Variants in TBC1D1 observed in about 807,000 individuals in gnomAD.
TBC1D1 encodes TBC1 domain family member 1.
In TBC1D1, 89 loss-of-function variants were observed where a neutral mutation model predicts 125.6. The ratio of observed to expected loss-of-function variants is 0.71; its 90% CI spans 0.60 to 0.85. The LOEUF is 0.85. TBC1D1 is among the 40% of genes least tolerant of loss of function. The pLI, the probability that TBC1D1 is intolerant of heterozygous loss-of-function variation, is 0.00. For missense variants in TBC1D1, 1,377 were observed against 1,469.2 expected (o/e 0.94, Z 1.03); for synonymous variants, 565 against 564.1 (o/e 1.00, Z -0.02).
chr4:38,086,588 C>T (rs1411264543), intron 12 of TBC1D1, among the ~76,000 whole-genome samples: 6 of 152,176 alleles, frequency 3.9e-5, no homozygotes, highest in East Asian at 1.9e-4. Context: ...CTGGATCCCC[C>T]GACCAAATTT....
intron 2 of TBC1D1, among the ~76,000 whole-genome samples, chr4:37,974,416 T>G (rs1401046656): frequency 6.6e-6 from 1 of 152,054 alleles, no homozygotes; most frequent in Non-Finnish European, 1.5e-5. Flanking sequence ...TATTTTTCCT[T>G]TATGTAGACA....
In TBC1D1 at chr4:38,014,718, C is replaced by G. The variant is rs765551596; in HGVS notation, c.627C>G (p.Ser209=). ...ATCACGTCAGCGGCAGCCGGGGGTC[C>G]GAGAGCCCCCGCCCCAACCCGCCCC... The change falls in exon 3 of 20, where the codon TCC becomes TCG. Residue 209 remains serine (S), a synonymous_variant. Transcript: ENST00000261439. This position sits in a 1 kb window ranked among gnomAD's most constrained non-coding sequence, Gnocchi z 5.1. The G allele has an allele frequency of 2.1e-5, 34 of 1,612,150 alleles. No individual in the cohort carries two copies. The highest frequency in any genetic ancestry group is 4.5e-5 in the East Asian group (2 of 44,888).
At chr4:38,115,027 G>A (rs941585463) in intron 15 of TBC1D1, among the ~76,000 whole-genome samples, 1 of 152,024 alleles carries the variant, frequency 6.6e-6, no homozygotes, top group African/African-American at 2.4e-5. Context: ...TGCAGCAGTG[G>A]GGAGGAAGAA....
At chr4:38,133,058 C>T (rs749059277) in intron 18 of TBC1D1, 26 bp from the exon 21 acceptor site, 34 of 1,596,588 alleles carry the variant, frequency 2.1e-5, no homozygotes, top group South Asian at 2.0e-4. Flanking sequence ...AGTTTTAGTA[C>T]GTGATGACTT....
intron 12 of TBC1D1, among the ~76,000 whole-genome samples, chr4:38,071,712 T>C (rs1754737927): frequency 6.6e-6 from 1 of 152,226 alleles, no homozygotes; most frequent in Admixed American, 6.5e-5. Flanking sequence ...CTGTAGGTTC[T>C]CAGATGGCAG....
intron 2 of TBC1D1, among the ~76,000 whole-genome samples, chr4:37,922,890 G>A (rs1721310722): frequency 6.6e-6 from 1 of 152,110 alleles, no homozygotes; most frequent in South Asian, 2.1e-4. Flanking sequence ...CCCTATGGCT[G>A]CTGCCTGTGT....
intron 7 of TBC1D1, among the ~76,000 whole-genome samples, chr4:38,032,696 G>A (rs1221447041): frequency 2.0e-5 from 3 of 152,044 alleles, no homozygotes; most frequent in African/African-American, 7.2e-5. Context: ...TTAGCTGGGT[G>A]TGATGGCGGG....
chr4:38,013,025 C>T (rs774399896), intron 2 of TBC1D1, among the ~76,000 whole-genome samples: 3 of 151,892 alleles, frequency 2.0e-5, no homozygotes, highest in Non-Finnish European at 2.9e-5. Flanking sequence ...AACCTCCTGA[C>T]CTCCTGATCT....
In TBC1D1 at chr4:38,090,001, G is replaced by GC. The variant is rs1397064338; in HGVS notation, c.2126dup (p.Pro710ThrfsTer10). 5.0e-6 allele frequency: 8 copies of GC among 1,613,920 alleles called. No individual in the cohort carries two copies. The highest frequency in any genetic ancestry group is 2.2e-5 in the East Asian group (1 of 44,870). On this transcript the variant is annotated frameshift_variant, in exon 13 of 20. Transcript: ENST00000261439. LOFTEE classifies it high-confidence loss of function. Reference sequence around the variant, plus strand: ...CCAGTTTGTGAAGATGGGCCCTTTGGCCCCCCACCAGAGGAAAAGAAAAGG... The same window carrying GC: ...CCAGTTTGTGAAGATGGGCCCTTTGGCCCCCCCACCAGAGGAAAAGAAAAGG...
At chr4:37,891,535 AC>A (rs1371011607) in intron 1 of TBC1D1, among the ~76,000 whole-genome samples, 187 bp downstream of exon 1, 2 of 19,954 alleles carry the variant, frequency 1.0e-4, no homozygotes, top group African/African-American at 3.8e-4. Context: ...TGCCCCCCTT[AC>A]CCCCCCACCC....
At chr4:38,057,218 C>T (rs13146718) in intron 12 of TBC1D1, among the ~76,000 whole-genome samples, 1 of 152,210 alleles carries the variant, frequency 6.6e-6, no homozygotes, top group Non-Finnish European at 1.5e-5. Flanking sequence ...CCACTAGCCC[C>T]TCTGGCTTGT....
At chr4:37,891,640 G>A (rs1398836892) in intron 1 of TBC1D1, among the ~76,000 whole-genome samples, 17 of 134,670 alleles carry the variant, frequency 1.3e-4, no homozygotes, top group African/African-American at 4.8e-4. Context: ...TCACTGGTCC[G>A]CGCATCTCTC....
At chr4:38,111,050 A>G (rs1444346900) in intron 15 of TBC1D1, among the ~76,000 whole-genome samples, 1 of 152,254 alleles carries the variant, frequency 6.6e-6, no homozygotes, top group Non-Finnish European at 1.5e-5. Flanking sequence ...TGCTCTGCCC[A>G]CGGCTCCGGC....
intron 2 of TBC1D1, among the ~76,000 whole-genome samples, chr4:38,010,493 C>T (rs1680740915): frequency 6.6e-6 from 1 of 152,188 alleles, no homozygotes; most frequent in Non-Finnish European, 1.5e-5. Flanking sequence ...GACTCTAGGC[C>T]CACTTACCCA....
At chr4:38,004,575 C>G (rs1449161859) in intron 2 of TBC1D1, among the ~76,000 whole-genome samples, 3 of 152,046 alleles carry the variant, frequency 2.0e-5, no homozygotes, top group Non-Finnish European at 4.4e-5. Flanking sequence ...CCTTAATTAC[C>G]TATCAGAAAG....
chr4:37,960,832 A>G, intron 2 of TBC1D1: 2 of 1,614,154 alleles, frequency 1.2e-6, no homozygotes, highest in South Asian at 2.2e-5. Context: ...CTGCCTGAAG[A>G]GCGCCAGATT....
chr4:37,917,589 G>A (rs1720005043), intron 2 of TBC1D1, among the ~76,000 whole-genome samples: 1 of 152,182 alleles, frequency 6.6e-6, no homozygotes. Flanking sequence ...ATGGGAGGCC[G>A]CACAGGGCAG....
At chr4:37,932,732 C>T (rs893640341) in intron 2 of TBC1D1, among the ~76,000 whole-genome samples, 28 of 152,272 alleles carry the variant, frequency 1.8e-4, no homozygotes, top group Admixed American at 1.3e-4. Flanking sequence ...TCCCAAACAA[C>T]TTCCACATAA....
intron 12 of TBC1D1, among the ~76,000 whole-genome samples, chr4:38,087,605 G>T (rs985305947): frequency 2.6e-5 from 4 of 152,026 alleles, no homozygotes; most frequent in Non-Finnish European, 5.9e-5. Context: ...ACTTTGGGAG[G>T]CCGAGGTGGG....
Sources: gnomAD v4.1 joint callset for allele counts (sites outside exome capture counted in the v4.1 genomes callset) on GRCh38, gnomAD v4.1.1 for gene constraint, Gnocchi (gnomAD v3.1) non-coding constraint, MANE v1.5 for transcripts, NCBI Gene and HGNC (gene_info 2026-07-23, HGNC 2026-07-21) for gene names.